FGF12: variants seen among roughly 807,000 people sequenced by gnomAD.
FGF12 encodes the protein fibroblast growth factor 12.
In FGF12, 14 loss-of-function variants were observed where a neutral mutation model predicts 23.6. The ratio of observed to expected loss-of-function variants is 0.59; its 90% CI spans 0.39 to 0.93. The LOEUF (loss-of-function observed/expected upper bound fraction) is 0.93. Among genes scored for constraint, FGF12 ranks in the 40% least tolerant of loss-of-function variants. The probability of loss-of-function intolerance (pLI) is 0.00; values close to 1 mark genes in which losing one functional copy is unlikely to be tolerated. For synonymous variants in FGF12, 62 were observed against 77.3 expected (o/e 0.80, Z 1.04); for missense variants, 175 against 217.8 (o/e 0.80, Z 1.24).
intron 4 of FGF12, among the ~76,000 whole-genome samples, chr3:192,220,315 C>T (rs907731317): frequency 6.6e-6 from 1 of 152,178 alleles, no homozygotes; most frequent in Non-Finnish European, 1.5e-5. Context: ...TTCTCCTTCA[C>T]CATTCTACTT....
At position 192,327,543 on chromosome 3, in the gene FGF12, A is replaced by G. The variant is rs368777796; in HGVS notation, c.228+7818T>C. On this transcript the variant is annotated intron_variant, in intron 4 of 5. Transcript: ENST00000445105. ...GTCTAAGTTTATAAAAAGTAAACAAATCATCGCTATAGTTTGAAAAAAATA... is the reference window on the plus strand; with the variant it reads ...GTCTAAGTTTATAAAAAGTAAACAAGTCATCGCTATAGTTTGAAAAAAATA... Among the ~76,000 whole-genome samples, 63 of 147,240 alleles carry G rather than the reference A, an allele frequency of 4.3e-4. No homozygotes were observed. The East Asian group carries it at 5.8e-3, about 14-fold the overall frequency.
intron 3 of FGF12, among the ~76,000 whole-genome samples, chr3:192,343,132 G>A (rs1717773520): frequency 1.3e-5 from 2 of 152,098 alleles, no homozygotes; most frequent in Admixed American, 1.3e-4. Flanking sequence ...ACGAAGAAAG[G>A]TATAAAAGAG....
chr3:192,295,329 T>C (rs1714972666), intron 4 of FGF12, among the ~76,000 whole-genome samples: 1 of 152,210 alleles, frequency 6.6e-6, no homozygotes, highest in Non-Finnish European at 1.5e-5. Flanking sequence ...TTTATACCAC[T>C]AGGTCATCAT....
intron 4 of FGF12, among the ~76,000 whole-genome samples, chr3:192,333,052 T>C (rs541434937): frequency 1.3e-5 from 2 of 152,134 alleles, no homozygotes; most frequent in South Asian, 4.1e-4. Context: ...ACTCCCTCTT[T>C]TGGCTCAAGA....
chr3:192,541,460 A>C (rs1384204548), intron 2 of FGF12, among the ~76,000 whole-genome samples: 1 of 152,130 alleles, frequency 6.6e-6, no homozygotes. Context: ...TGCTATTTCT[A>C]TTTATATCTT....
intron 4 of FGF12, among the ~76,000 whole-genome samples, chr3:192,230,371 C>T (rs367967824): frequency 6.6e-6 from 1 of 152,218 alleles, no homozygotes; most frequent in East Asian, 1.9e-4. Flanking sequence ...CACATATACT[C>T]TTGATGTATT....
chr3:192,311,800 GTTA>G (rs1218477027), intron 4 of FGF12, among the ~76,000 whole-genome samples: 2 of 152,154 alleles, frequency 1.3e-5, no homozygotes, highest in Non-Finnish European at 2.9e-5. Context: ...ACCTACGTGT[GTTA>G]TTATCAGTCT....
intron 4 of FGF12, among the ~76,000 whole-genome samples, chr3:192,203,566 CTTTTTTTTT>C (rs3071810): frequency 7.7e-6 from 1 of 130,420 alleles, no homozygotes; most frequent in African/African-American, 2.9e-5. Context: ...TTTTTCTTTA[CTTTTTTTTT>C]TTTTTTTTTG....
intron 2 of FGF12, among the ~76,000 whole-genome samples, chr3:192,454,665 C>T (rs771580275): frequency 1.3e-5 from 2 of 152,150 alleles, no homozygotes; most frequent in Non-Finnish European, 2.9e-5. Context: ...CTACATAGTT[C>T]CAGCCCTTTT....
chr3:192,427,550 A>C (rs1413148946), intron 2 of FGF12, among the ~76,000 whole-genome samples: 1 of 152,212 alleles, frequency 6.6e-6, no homozygotes, highest in East Asian at 1.9e-4. Flanking sequence ...TCTGGATAGG[A>C]CAATCTGACG....
At chr3:192,392,607 A>T (rs1326349000) in intron 2 of FGF12, among the ~76,000 whole-genome samples, 2 of 109,714 alleles carry the variant, frequency 1.8e-5, no homozygotes, top group Non-Finnish European at 3.8e-5. Flanking sequence ...AGAGAGAGAG[A>T]GAGAGAGAGA....
At chr3:192,452,052 G>T (rs1315028257) in intron 2 of FGF12, among the ~76,000 whole-genome samples, 3 of 152,112 alleles carry the variant, frequency 2.0e-5, no homozygotes, top group East Asian at 3.9e-4. Flanking sequence ...TAGAAGTAAT[G>T]AAAATGGATA....
intron 4 of FGF12, among the ~76,000 whole-genome samples, chr3:192,278,906 C>T (rs955241139): frequency 2.7e-5 from 4 of 150,456 alleles, no homozygotes; most frequent in African/African-American, 7.3e-5. Flanking sequence ...CTGAAGATAT[C>T]AGTCATGGTG....
In FGF12 at chr3:192,551,436, A is replaced by C. The variant is rs1711525868; in HGVS notation, c.13+175745T>G. Among the ~76,000 whole-genome samples, 3 of 152,236 alleles carry C rather than the reference A, an allele frequency of 2.0e-5. No individual in the cohort carries two copies. The South Asian group carries it at 6.2e-4, about 31-fold the overall frequency. ...ATGGGCTACTTTTGTTCAGGAGAGTATTCTGTGACACTCTTAAGAGAACAA... is the reference window on the plus strand; with the variant it reads ...ATGGGCTACTTTTGTTCAGGAGAGTCTTCTGTGACACTCTTAAGAGAACAA... On this transcript the variant is annotated intron_variant, in intron 2 of 5. Transcript: ENST00000445105.
At chr3:192,478,203 C>G (rs1179055878) in intron 2 of FGF12, among the ~76,000 whole-genome samples, 1 of 152,162 alleles carries the variant, frequency 6.6e-6, no homozygotes. Flanking sequence ...TTACCGTTTT[C>G]CAACCACCAG....
At chr3:192,573,746 C>T (rs1164261001) in intron 2 of FGF12, among the ~76,000 whole-genome samples, 2 of 152,084 alleles carry the variant, frequency 1.3e-5, no homozygotes, top group African/African-American at 4.8e-5. Flanking sequence ...AAAACCCAAC[C>T]AAATTTGGGT....
intron 2 of FGF12, among the ~76,000 whole-genome samples, chr3:192,668,991 C>T (rs530709991): frequency 3.3e-5 from 5 of 152,040 alleles, no homozygotes; most frequent in East Asian, 1.9e-4. Context: ...AAATGCAAAA[C>T]GTGAAACACA....
At chr3:192,394,614 T>C (rs2710776) in intron 2 of FGF12, among the ~76,000 whole-genome samples, 24,693 of 152,084 alleles carry the variant, frequency 0.16, 2,131 homozygotes, top group African/African-American at 0.19. Context: ...GAAACTAAGC[T>C]GAAGAGAAGA....
intron 4 of FGF12, among the ~76,000 whole-genome samples, chr3:192,214,600 A>C (rs1718095782): frequency 6.6e-6 from 1 of 152,218 alleles, no homozygotes; most frequent in African/African-American, 2.4e-5. Flanking sequence ...CCTGTGTTCC[A>C]CATAGTTTCA....
Sources: allele counts gnomAD v4.1 joint callset (sites outside exome capture counted in the v4.1 genomes callset), GRCh38; gene constraint gnomAD v4.1.1; transcripts MANE v1.5; gene names NCBI Gene and HGNC (gene_info 2026-07-23, HGNC 2026-07-21).